Variants in ACSBG1 observed in about 807,000 individuals in gnomAD.
ACSBG1 encodes the protein acyl-CoA synthetase bubblegum family member 1.
Under a neutral mutation model 80.2 loss-of-function variants are expected in ACSBG1, and 39 were observed. The observed-to-expected ratio is 0.49, with a 90% CI of 0.38 to 0.64. The LOEUF (loss-of-function observed/expected upper bound fraction) is 0.64. Among genes scored for constraint, ACSBG1 ranks in the 30% least tolerant of loss-of-function variants. The pLI is 0.00. For missense variants in ACSBG1, 828 were observed against 966.4 expected (o/e 0.86, Z 1.90); for synonymous variants, 392 against 379.5 (o/e 1.03, Z -0.38).
In ACSBG1 at chr15:78,172,241, A is replaced by C. The variant is rs1325375232; in HGVS notation, c.2090-712T>G. Among the ~76,000 whole-genome samples, 4 of 152,234 alleles carry C rather than the reference A, an allele frequency of 2.6e-5. No individual in the cohort carries two copies. Among genetic ancestry groups the C allele is most frequent in the Admixed American group, 6.5e-5 (1 of 15,286 alleles). ...TTGACCCATAGAAATGTGGATAATA[A>C]ATGTTTACTGCTTTAGGCTGCTACA... is the stretch of plus-strand genomic sequence containing the variant. On this transcript the variant is annotated intron_variant, in intron 13 of 13. Transcript: ENST00000258873. The surrounding 1 kb of genome is among the most constrained non-coding windows in gnomAD (Gnocchi z 4.1).
chr15:78,200,452 C>A (rs1225309632), intron 2 of ACSBG1, among the ~76,000 whole-genome samples: 2 of 152,136 alleles, frequency 1.3e-5, no homozygotes, highest in African/African-American at 4.8e-5. Context: ...AAGGAGGCTG[C>A]CCCTGCCCTC....
chr15:78,222,918 G>A (rs1248544083), intron 1 of ACSBG1, among the ~76,000 whole-genome samples: 3 of 152,182 alleles, frequency 2.0e-5, no homozygotes, highest in Non-Finnish European at 4.4e-5. Flanking sequence ...TAGAAGATGG[G>A]AGGATTTGTC....
intron 1 of ACSBG1, among the ~76,000 whole-genome samples, chr15:78,215,064 C>A (rs1054774503): frequency 6.6e-6 from 1 of 152,032 alleles, no homozygotes; most frequent in African/African-American, 2.4e-5. Flanking sequence ...GCACTTTGCA[C>A]CCCAATGCTC....
At chr15:78,194,465 T>C in intron 3 of ACSBG1, 41 bp downstream of exon 3, 1 of 1,599,640 alleles carries the variant, frequency 6.3e-7, no homozygotes, top group Non-Finnish European at 8.6e-7. Flanking sequence ...GGGAGGCACA[T>C]CTGGGGAGGG....
At chr15:78,195,931 C>A (rs537934506) in intron 2 of ACSBG1, among the ~76,000 whole-genome samples, 21 of 152,292 alleles carry the variant, frequency 1.4e-4, no homozygotes, top group African/African-American at 3.4e-4. Flanking sequence ...CTTTGACACT[C>A]TTAGGTTGCA....
At chr15:78,184,359 T>TA (rs1491223165) in intron 5 of ACSBG1, among the ~76,000 whole-genome samples, 10 of 151,822 alleles carry the variant, frequency 6.6e-5, no homozygotes, top group Admixed American at 2.6e-4. Flanking sequence ...CTTTTTTTTT[T>TA]TGTAGAGACA....
chr15:78,192,282 G>A (rs1329590294), intron 5 of ACSBG1, among the ~76,000 whole-genome samples: 1 of 151,848 alleles, frequency 6.6e-6, no homozygotes, highest in Non-Finnish European at 1.5e-5. Context: ...TGACCTCTGC[G>A]GCTGTCACCA....
intron 1 of ACSBG1, among the ~76,000 whole-genome samples, chr15:78,222,705 G>C (rs1418263958): frequency 6.6e-6 from 1 of 152,212 alleles, no homozygotes; most frequent in Admixed American, 6.5e-5. Flanking sequence ...CAGACGTGAG[G>C]TGGGATGGGG....
At chr15:78,186,460 T>G (rs907153924) in intron 5 of ACSBG1, among the ~76,000 whole-genome samples, 3 of 152,102 alleles carry the variant, frequency 2.0e-5, no homozygotes, top group Non-Finnish European at 4.4e-5. Flanking sequence ...AGATCAGAAA[T>G]TATAGAAACT....
chr15:78,178,932 A>G lies in ACSBG1; in HGVS notation c.1485-101T>C. On this transcript the variant is annotated intron_variant, in intron 10 of 13. Coordinates refer to ENST00000258873, the MANE Select transcript of ACSBG1 (RefSeq NM_015162.5). The surrounding 1 kb of genome is among the most constrained non-coding windows in gnomAD (Gnocchi z 4.3). Reference sequence around the variant, plus strand: ...AACTGCTCGGTCTTCACTGATTGCTAGAAGGTATCCCCTCACAGGGCTTTT... The same window carrying G: ...AACTGCTCGGTCTTCACTGATTGCTGGAAGGTATCCCCTCACAGGGCTTTT... The G allele has an allele frequency of 8.3e-7, 1 of 1,202,586 alleles. No individual in the cohort carries two copies. 74.5% of individuals were successfully genotyped at this position (1,202,586 alleles called of 1,614,324 possible). A position where few individuals can be genotyped will look rare whatever the true frequency, so the allele number is the denominator to read the frequency against.
chr15:78,198,630 G>C (rs11072740), intron 2 of ACSBG1, among the ~76,000 whole-genome samples: 29 of 151,634 alleles, frequency 1.9e-4, no homozygotes, highest in African/African-American at 7.0e-4. Context: ...TTACAGGCAT[G>C]AGCCACCGTG....
At chr15:78,214,326 C>T (rs1384487329) in intron 1 of ACSBG1, among the ~76,000 whole-genome samples, 1 of 152,206 alleles carries the variant, frequency 6.6e-6, no homozygotes, top group African/African-American at 2.4e-5. Context: ...TTAATTATTA[C>T]CTGCAAGCTA....
chr15:78,225,404 T>TAAATAAATAAAA (rs1309729651), intron 1 of ACSBG1, among the ~76,000 whole-genome samples: 6 of 145,352 alleles, frequency 4.1e-5, no homozygotes, highest in Admixed American at 4.1e-4. Flanking sequence ...TCTGTCTCAA[T>TAAATAAATAAAA]AAATAAATAA....
intron 1 of ACSBG1, among the ~76,000 whole-genome samples, chr15:78,219,435 A>T (rs2141381597): frequency 6.6e-6 from 1 of 151,774 alleles, no homozygotes; most frequent in South Asian, 2.1e-4. Context: ...AGTGAACTTG[A>T]AGACAAAATA....
At chr15:78,204,319 G>A (rs1191447870) in intron 2 of ACSBG1, among the ~76,000 whole-genome samples, 1 of 152,218 alleles carries the variant, frequency 6.6e-6, no homozygotes, top group Non-Finnish European at 1.5e-5. Context: ...CCTGAGATGG[G>A]CTTTACCTGC....
At chr15:78,226,664 T>G (rs1205190438) in intron 1 of ACSBG1, 1 of 160,738 alleles carries the variant, frequency 6.2e-6, no homozygotes, top group Non-Finnish European at 1.4e-5. Context: ...TGATATTATA[T>G]AAAGAAAGAG....
rs545888284 is a variant in ACSBG1, at chr15:78,224,563, CA to C, written c.131+9807del. On this transcript the variant is annotated intron_variant, in intron 1 of 13. Transcript: ENST00000258873. ...TGAAACCCTGTCTCTACTAAAAATA[CA>C]AAAAAAATTAGCCAGGCGTGGTGGC... Among the ~76,000 whole-genome samples, 12 of 151,546 alleles carry C rather than the reference CA, an allele frequency of 7.9e-5. No homozygotes were observed. The East Asian group carries it at 1.9e-3, about 25-fold the overall frequency.
At chr15:78,206,571 C>A (rs16969575) in intron 2 of ACSBG1, among the ~76,000 whole-genome samples, 1 of 152,140 alleles carries the variant, frequency 6.6e-6, no homozygotes, top group Non-Finnish European at 1.5e-5. Flanking sequence ...GGCCTTGTCA[C>A]CTCCCTTACA....
intron 2 of ACSBG1, among the ~76,000 whole-genome samples, chr15:78,195,001 C>T (rs984788603): frequency 2.6e-5 from 4 of 152,240 alleles, no homozygotes; most frequent in Admixed American, 6.5e-5. Flanking sequence ...CCTAGACACT[C>T]TGTTCCTTCT....
Sources: allele counts gnomAD v4.1 joint callset (sites outside exome capture counted in the v4.1 genomes callset), GRCh38; gene constraint gnomAD v4.1.1; non-coding constraint Gnocchi (gnomAD v3.1); transcripts MANE v1.5; gene names NCBI Gene and HGNC (gene_info 2026-07-23, HGNC 2026-07-21).